DMD: variants seen among roughly 807,000 people sequenced by gnomAD.
DMD encodes the protein mutant dystrophin.
In DMD, 63 loss-of-function variants were observed where a neutral mutation model predicts 330.1. That is an observed-to-expected ratio of 0.19 (90% CI 0.16 to 0.24). The LOEUF (loss-of-function observed/expected upper bound fraction) is 0.24. Ranked by LOEUF, DMD falls within the 10% of genes least tolerant of loss-of-function variation. DMD has a pLI of 1.00. For missense variants in DMD, 3,344 were observed against 2,684.1 expected, an observed-to-expected ratio of 1.25 and a Z score of -5.43; for synonymous variants, 1,223 against 959.8, an observed-to-expected ratio of 1.27 and a Z score of -5.07.
intron 2 of DMD, among the ~76,000 whole-genome samples, chrX:32,888,636 C>A (rs1005621907): frequency 9.0e-6 from 1 of 111,668 alleles, no homozygotes; most frequent in East Asian, 2.8e-4. Flanking sequence ...AACTACCATA[C>A]AATCCAGCAA....
chrX:32,403,048 C>T (rs1441177382), intron 30 of DMD, among the ~76,000 whole-genome samples: 1 of 111,387 alleles, frequency 9.0e-6, no homozygotes, highest in Non-Finnish European at 1.9e-5. Flanking sequence ...GGGTGGCCCA[C>T]GGTCTTACAG....
intron 67 of DMD, among the ~76,000 whole-genome samples, chrX:31,184,155 C>T (rs923675861): frequency 8.9e-6 from 1 of 111,901 alleles, no homozygotes; most frequent in Non-Finnish European, 1.9e-5. Context: ...ATGATCCACC[C>T]GCCTCGGCCT....
chrX:32,389,648 C>A lies in DMD; in HGVS notation c.4371G>T (p.Lys1457Asn). The change falls in exon 32 of 79, where the codon AAG becomes AAT. Residue 1457 changes from lysine to asparagine, a missense_variant. Lys to Asn is a moderately conservative substitution (Grantham distance 94). Coordinates refer to ENST00000357033, the MANE Select transcript of DMD (RefSeq NM_004006.3). ...AQKKLQDVSM[K>N]FRLFQKPANF... is the part of the protein sequence containing the mutation. ...TGGCTGGTTTCTGGAATAATCGAAA[C>A]TTCATGGAGACATCTTGTAATTTTT... The A allele has an allele frequency of 8.3e-7, 1 of 1,210,699 alleles. No individual in the cohort carries two copies. Among genetic ancestry groups the A allele is most frequent in the South Asian group, 1.8e-5 (1 of 56,995 alleles).
chrX:31,896,939 T>C lies in DMD; in HGVS notation c.6913-21566A>G, dbSNP rs79285049. 7.3e-3 allele frequency among the ~76,000 whole-genome samples: 815 copies of C among 111,061 alleles called. 15 individuals are homozygous for C. In the East Asian group the frequency reaches 0.089, roughly 12 times the overall value. On this transcript the variant is annotated intron_variant, in intron 47 of 78. Transcript: ENST00000357033. ...TTCTTTTTTTTTTCTTTTATTATTG[T>C]ACTTTAAGTTTTAGGGTACATGTGC...
chrX:31,348,504 T>C, intron 61 of DMD, 52 bp downstream of exon 61: 8 of 1,050,976 alleles, frequency 7.6e-6, no homozygotes, highest in Non-Finnish European at 9.3e-6. Flanking sequence ...ACTGTTATTC[T>C]TATTAATCAA....
At chrX:32,621,497 T>TTC (rs2057987394) in intron 11 of DMD, among the ~76,000 whole-genome samples, 1 of 110,350 alleles carries the variant, frequency 9.1e-6, no homozygotes. Flanking sequence ...TTTTTTTTTT[T>TTC]TCTCTTAATA....
intron 43 of DMD, among the ~76,000 whole-genome samples, chrX:32,271,201 T>C (rs2097363960): frequency 1.8e-5 from 2 of 111,522 alleles, no homozygotes. Flanking sequence ...AAGAAGAAAC[T>C]AAAAAAGCAT....
At chrX:32,481,677 G>A (rs756914388) in intron 21 of DMD, among the ~76,000 whole-genome samples, 33 of 111,377 alleles carry the variant, frequency 3.0e-4, no homozygotes, top group African/African-American at 8.8e-4. Flanking sequence ...TCATATAGCT[G>A]GCACCTGCAC....
chrX:32,684,923 TAG>T (rs2062741502), intron 9 of DMD, among the ~76,000 whole-genome samples: 1 of 111,683 alleles, frequency 9.0e-6, no homozygotes, highest in African/African-American at 3.2e-5. Flanking sequence ...TAACTTTCCT[TAG>T]AGTCTTTCTT....
intron 2 of DMD, among the ~76,000 whole-genome samples, chrX:32,933,053 T>A (rs1191104545): frequency 8.9e-6 from 1 of 112,018 alleles, no homozygotes; most frequent in African/African-American, 3.2e-5. Context: ...CCTATTTCCC[T>A]GTTTCTTGTA....
intron 62 of DMD, among the ~76,000 whole-genome samples, chrX:31,306,518 A>G (rs1023179350): frequency 8.9e-6 from 1 of 111,989 alleles, no homozygotes; most frequent in African/African-American, 3.2e-5. Context: ...TAGGTATATT[A>G]TTACTCTATA....
At chrX:33,109,829 T>C (rs1387419440) in intron 1 of DMD, among the ~76,000 whole-genome samples, 1 of 111,503 alleles carries the variant, frequency 9.0e-6, no homozygotes, top group Non-Finnish European at 1.9e-5. Flanking sequence ...ATATGAAATA[T>C]AGTCAGTTAA....
intron 44 of DMD, among the ~76,000 whole-genome samples, chrX:32,175,144 T>G (rs182238378): frequency 9.9e-5 from 11 of 111,466 alleles, no homozygotes; most frequent in African/African-American, 3.3e-4. Flanking sequence ...TATATGCTCG[T>G]GAAACTATAT....
At chrX:31,964,032 CT>C in intron 45 of DMD, among the ~76,000 whole-genome samples, 1 of 111,465 alleles carries the variant, frequency 9.0e-6, no homozygotes, top group Middle Eastern at 4.6e-3. Context: ...AGTGAGACTA[CT>C]TCATATGATG....
intron 1 of DMD, among the ~76,000 whole-genome samples, chrX:33,273,475 A>G (rs1279872328): frequency 8.9e-6 from 1 of 112,198 alleles, no homozygotes; most frequent in African/African-American, 3.2e-5. Flanking sequence ...CATGTTATGT[A>G]AAGGTCATAC....
At chrX:33,134,836 A>G (rs982494526) in intron 1 of DMD, among the ~76,000 whole-genome samples, 1 of 112,346 alleles carries the variant, frequency 8.9e-6, no homozygotes, top group Non-Finnish European at 1.9e-5. Flanking sequence ...GTAAACCAAC[A>G]GAACGAATTC....
chrX:31,978,163 A>T (rs1910331838), intron 44 of DMD, among the ~76,000 whole-genome samples: 1 of 111,916 alleles, frequency 8.9e-6, no homozygotes, highest in Admixed American at 9.5e-5. Context: ...GAAACCTCAA[A>T]GGAAATATTT....
chrX:31,190,014 G>C (rs958479112), intron 67 of DMD, among the ~76,000 whole-genome samples: 6 of 112,199 alleles, frequency 5.3e-5, no homozygotes, highest in Admixed American at 3.8e-4. Context: ...TTAAAATATA[G>C]GTATACACAA....
At chrX:32,249,131 A>T (rs1355845538) in intron 43 of DMD, among the ~76,000 whole-genome samples, 1 of 111,632 alleles carries the variant, frequency 9.0e-6, no homozygotes. Context: ...ACAAATATCT[A>T]AGTACATGTA....
Sources: allele counts gnomAD v4.1 joint callset (sites outside exome capture counted in the v4.1 genomes callset), GRCh38; gene constraint gnomAD v4.1.1; transcripts MANE v1.5; gene names NCBI Gene and HGNC (gene_info 2026-07-23, HGNC 2026-07-21).